STK39: variants seen among roughly 807,000 people sequenced by gnomAD.
STK39 encodes the protein serine/threonine kinase 39, also known as STE20/SPS1-related proline-alanine-rich protein kinase.
In STK39, 20 loss-of-function variants were observed where a neutral mutation model predicts 77.8. The ratio of observed to expected loss-of-function variants is 0.26; its 90% CI spans 0.18 to 0.37. The LOEUF (loss-of-function observed/expected upper bound fraction) is 0.37. Among genes scored for constraint, STK39 ranks in the 10% least tolerant of loss-of-function variants. STK39 has a pLI of 1.00. For missense variants in STK39, 479 were observed against 656.5 expected (o/e 0.73, Z 2.95); for synonymous variants, 246 against 234.1 (o/e 1.05, Z -0.47).
At chr2:168,050,186 C>T (rs1685357789) in intron 14 of STK39, among the ~76,000 whole-genome samples, 1 of 152,320 alleles carries the variant, frequency 6.6e-6, no homozygotes, top group Admixed American at 6.5e-5. Context: ...CATGAAAGTT[C>T]ACTGCCCTAC....
chr2:168,209,112 G>T (rs1221224169), intron 1 of STK39, among the ~76,000 whole-genome samples: 4 of 151,976 alleles, frequency 2.6e-5, no homozygotes, highest in Non-Finnish European at 5.9e-5. Flanking sequence ...CTTCGATTTT[G>T]GTTAACCCTA....
chr2:168,225,045 G>T (rs1047486943), intron 1 of STK39, among the ~76,000 whole-genome samples: 2 of 152,188 alleles, frequency 1.3e-5, no homozygotes, highest in African/African-American at 2.4e-5. Context: ...AGCAGTTCAT[G>T]ATCACTGACA....
rs189573162 is a variant in STK39 at position 168,174,765 on chromosome 2, G to A, written c.321+7213C>T. On this transcript the variant is annotated intron_variant, in intron 2 of 17. Coordinates refer to ENST00000355999, the MANE Select transcript of STK39 (RefSeq NM_013233.3). ...TAATGACAACTACTCACCAAGCTGAGGTAGAAGGATCACTTGAGCCCAGGA... is the reference window on the plus strand; with the variant it reads ...TAATGACAACTACTCACCAAGCTGAAGTAGAAGGATCACTTGAGCCCAGGA... 4.0e-4 allele frequency among the ~76,000 whole-genome samples: 60 copies of A among 150,882 alleles called. 1 individual carries two copies. The highest frequency in any genetic ancestry group is 1.4e-3 in the African/African-American group (57 of 41,044).
intron 1 of STK39, among the ~76,000 whole-genome samples, chr2:168,189,096 AT>A (rs1456060262): frequency 2.6e-5 from 4 of 152,214 alleles, no homozygotes; most frequent in African/African-American, 7.2e-5. Flanking sequence ...TACCAAAAAA[AT>A]AAAATAAAAT....
chr2:167,968,856 T>A (rs557947613), intron 16 of STK39, among the ~76,000 whole-genome samples: 63 of 152,342 alleles, frequency 4.1e-4, no homozygotes, highest in African/African-American at 1.4e-3. Flanking sequence ...CAGCCACGCA[T>A]ACAGAAAACT....
At chr2:168,231,329 G>T (rs1014073340) in intron 1 of STK39, among the ~76,000 whole-genome samples, 1 of 151,990 alleles carries the variant, frequency 6.6e-6, no homozygotes, top group African/African-American at 2.4e-5. Context: ...TGCTGCTGTT[G>T]TTTTTTACCA....
chr2:168,181,873 CAT>C, intron 2 of STK39, 103 bp downstream of exon 2: 2 of 895,104 alleles, frequency 2.2e-6, no homozygotes, highest in Non-Finnish European at 3.6e-6. Flanking sequence ...CCAAGAAATG[CAT>C]ATGTCAAAAC....
intron 10 of STK39, among the ~76,000 whole-genome samples, chr2:168,111,478 T>C (rs957836509): frequency 1.3e-5 from 2 of 152,218 alleles, no homozygotes; most frequent in Non-Finnish European, 2.9e-5. Context: ...GTTATTCCTC[T>C]GTTTTCAGCC....
intron 14 of STK39, among the ~76,000 whole-genome samples, chr2:168,031,070 G>A (rs1484757086): frequency 1.3e-5 from 2 of 152,108 alleles, no homozygotes; most frequent in Admixed American, 6.5e-5. Context: ...GGGGTTACAT[G>A]GTTCTCCAAT....
At chr2:167,963,008 G>T (rs890501680) in intron 17 of STK39, among the ~76,000 whole-genome samples, 1 of 152,212 alleles carries the variant, frequency 6.6e-6, no homozygotes, top group Non-Finnish European at 1.5e-5. Flanking sequence ...CCTGTCCCGG[G>T]TGTGCGGTTT....
intron 1 of STK39, among the ~76,000 whole-genome samples, chr2:168,223,865 A>T (rs1200658733): frequency 6.6e-6 from 1 of 152,074 alleles, no homozygotes; most frequent in Non-Finnish European, 1.5e-5. Context: ...ATTGCTTTTA[A>T]AAGTCCTCCT....
At chr2:168,126,554 G>A (rs544792411) in intron 10 of STK39, among the ~76,000 whole-genome samples, 11 of 152,290 alleles carry the variant, frequency 7.2e-5, no homozygotes, top group South Asian at 2.1e-4. Flanking sequence ...AAGCCAGAGC[G>A]GGGCTTGCGG....
chr2:168,120,112 G>A (rs1031194083), intron 10 of STK39, among the ~76,000 whole-genome samples: 20 of 152,126 alleles, frequency 1.3e-4, no homozygotes, highest in African/African-American at 4.3e-4. Context: ...TTCCTTTTCT[G>A]TTGGTATTTC....
At chr2:168,163,279 T>A (rs2105588877) in intron 4 of STK39, among the ~76,000 whole-genome samples, 1 of 152,284 alleles carries the variant, frequency 6.6e-6, no homozygotes, top group South Asian at 2.1e-4. Flanking sequence ...ACATCAAAAA[T>A]AATTCACATA....
chr2:168,006,887 C>T (rs1373399179), intron 16 of STK39, among the ~76,000 whole-genome samples: 1 of 152,190 alleles, frequency 6.6e-6, no homozygotes, highest in African/African-American at 2.4e-5. Context: ...ACTATACTGG[C>T]CCTTCTTCAA....
At chr2:168,110,011 T>A (rs1687079481) in intron 10 of STK39, among the ~76,000 whole-genome samples, 3 of 152,188 alleles carry the variant, frequency 2.0e-5, no homozygotes, top group Admixed American at 2.0e-4. Flanking sequence ...ATTAACGGTA[T>A]CCTCTGATAA....
intron 14 of STK39, among the ~76,000 whole-genome samples, chr2:168,042,339 G>T (rs944235053): frequency 6.6e-6 from 1 of 152,080 alleles, no homozygotes; most frequent in Non-Finnish European, 1.5e-5. Flanking sequence ...TATTTCTAGG[G>T]TATCTCTCTG....
At chr2:168,211,537 G>A (rs1314430502) in intron 1 of STK39, among the ~76,000 whole-genome samples, 1 of 152,196 alleles carries the variant, frequency 6.6e-6, no homozygotes, top group Non-Finnish European at 1.5e-5. Context: ...AAACCAGTGA[G>A]TTCTGGGTAA....
At chr2:168,130,064 G>A (rs1687639840) in intron 8 of STK39, among the ~76,000 whole-genome samples, 1 of 152,146 alleles carries the variant, frequency 6.6e-6, no homozygotes, top group Non-Finnish European at 1.5e-5. Flanking sequence ...GGGGCAGACT[G>A]ACACATCTGT....
Sources: gnomAD v4.1 joint callset for allele counts (sites outside exome capture counted in the v4.1 genomes callset) on GRCh38, gnomAD v4.1.1 for gene constraint, MANE v1.5 for transcripts, NCBI Gene and HGNC (gene_info 2026-07-23, HGNC 2026-07-21) for gene names.